Variants in ZNF385B observed in about 807,000 individuals in gnomAD.
The protein encoded by ZNF385B is zinc finger protein 385B, also known as zinc finger protein 533.
In ZNF385B, 23 loss-of-function variants were observed where a neutral mutation model predicts 39.2. The observed-to-expected ratio is 0.59, with a 90% confidence interval of 0.42 to 0.83. The LOEUF is 0.83. Among genes scored for constraint, ZNF385B ranks in the 40% least tolerant of loss-of-function variants. The probability of loss-of-function intolerance (pLI) is 0.00; values close to 1 mark genes in which losing one functional copy is unlikely to be tolerated. For missense variants in ZNF385B, 552 were observed against 598.9 expected, an observed-to-expected ratio of 0.92 and a Z score of 0.82; for synonymous variants, 205 against 222.6, an observed-to-expected ratio of 0.92 and a Z score of 0.70.
At chr2:179,844,119 C>G (rs1708680702) in intron 1 of ZNF385B, among the ~76,000 whole-genome samples, 1 of 152,178 alleles carries the variant, frequency 6.6e-6, no homozygotes. Flanking sequence ...CCAAGTTGGT[C>G]TATTAGATAG....
intron 3 of ZNF385B, among the ~76,000 whole-genome samples, chr2:179,765,702 C>G (rs1329722937): frequency 6.6e-6 from 1 of 152,232 alleles, no homozygotes; most frequent in East Asian, 1.9e-4. Context: ...GGTCCATCTG[C>G]CCACCCTTGC....
intron 3 of ZNF385B, among the ~76,000 whole-genome samples, chr2:179,590,062 G>A (rs1018822248): frequency 2.0e-5 from 3 of 152,214 alleles, no homozygotes; most frequent in African/African-American, 7.2e-5. Context: ...TGTGGGGTCT[G>A]TATGTGACCC....
rs537616580 is a variant in ZNF385B, at chr2:179,855,722, G to A, written c.-155+5379C>T. ...AGTGTTCACTTGGCTAAGGCAAGAT[G>A]ACCCTTAACCAATGCAGTGAGTGTA... is the stretch of plus-strand genomic sequence containing the variant. On this transcript the variant is annotated intron_variant, in intron 1 of 9. Coordinates refer to ENST00000410066, the MANE Select transcript of ZNF385B (RefSeq NM_152520.6). 5.9e-5 allele frequency among the ~76,000 whole-genome samples: 9 copies of A among 152,264 alleles called. No individual in the cohort carries two copies. The South Asian group carries it at 1.9e-3, about 32-fold the overall frequency.
chr2:179,450,079 T>TA (rs1473254481), intron 6 of ZNF385B, among the ~76,000 whole-genome samples: 1 of 151,948 alleles, frequency 6.6e-6, no homozygotes, highest in Non-Finnish European at 1.5e-5. Context: ...ATCCCTTCCT[T>TA]ACACCTTATA....
intron 1 of ZNF385B, among the ~76,000 whole-genome samples, chr2:179,835,744 C>T (rs1238615191): frequency 2.0e-5 from 3 of 151,994 alleles, no homozygotes; most frequent in Non-Finnish European, 4.4e-5. Context: ...GAAGTTCTGC[C>T]TCTAGACCCT....
At chr2:179,777,570 A>C (rs1704401729) in intron 1 of ZNF385B, among the ~76,000 whole-genome samples, 1 of 152,082 alleles carries the variant, frequency 6.6e-6, no homozygotes, top group African/African-American at 2.4e-5. Context: ...ATAAATACTT[A>C]AGCACTATAT....
intron 3 of ZNF385B, among the ~76,000 whole-genome samples, chr2:179,751,690 G>A (rs151308514): frequency 3.4e-3 from 519 of 152,082 alleles, no homozygotes; most frequent in South Asian, 7.7e-3. Flanking sequence ...TCCTGGGGGC[G>A]TCAAAGAACA....
intron 6 of ZNF385B, among the ~76,000 whole-genome samples, chr2:179,473,886 C>T (rs2053108268): frequency 6.6e-6 from 1 of 152,122 alleles, no homozygotes. Context: ...CATAGTATTC[C>T]ATGGTGTATA....
At chr2:179,574,237 A>G (rs545867059) in intron 3 of ZNF385B, among the ~76,000 whole-genome samples, 1 of 152,322 alleles carries the variant, frequency 6.6e-6, no homozygotes, top group African/African-American at 2.4e-5. Flanking sequence ...TTTGGGGAAA[A>G]ACAAAACTGT....
intron 3 of ZNF385B, among the ~76,000 whole-genome samples, chr2:179,668,880 A>G (rs1209922370): frequency 3.3e-5 from 5 of 152,180 alleles, no homozygotes; most frequent in African/African-American, 1.2e-4. Flanking sequence ...TTTCCAACTA[A>G]AAGGAAAATA....
intron 5 of ZNF385B, among the ~76,000 whole-genome samples, chr2:179,511,333 T>C (rs907085530): frequency 1.3e-5 from 2 of 152,130 alleles, no homozygotes; most frequent in African/African-American, 4.8e-5. Context: ...AAATGGCAGA[T>C]GGTAGATGGG....
At chr2:179,657,940 C>A (rs1159492390) in intron 3 of ZNF385B, among the ~76,000 whole-genome samples, 2 of 152,222 alleles carry the variant, frequency 1.3e-5, no homozygotes, top group African/African-American at 2.4e-5. Context: ...CAAGCTCATG[C>A]TTTGCCATCT....
chr2:179,722,436 T>C (rs1193511024), intron 3 of ZNF385B, among the ~76,000 whole-genome samples: 1 of 152,056 alleles, frequency 6.6e-6, no homozygotes, highest in East Asian at 1.9e-4. Context: ...AAAAGAAACT[T>C]GCACATACAC....
intron 3 of ZNF385B, among the ~76,000 whole-genome samples, chr2:179,740,651 G>A (rs540020621): frequency 6.6e-6 from 1 of 152,232 alleles, no homozygotes; most frequent in African/African-American, 2.4e-5. Context: ...CAACCAAATA[G>A]GACTGAAGTA....
At chr2:179,444,165 C>A (rs1016709073) in intron 9 of ZNF385B, among the ~76,000 whole-genome samples, 1 of 152,226 alleles carries the variant, frequency 6.6e-6, no homozygotes, top group Non-Finnish European at 1.5e-5. Flanking sequence ...ATGCAGGTAA[C>A]ACCTGCTTGC....
intron 1 of ZNF385B, among the ~76,000 whole-genome samples, chr2:179,838,359 A>T (rs976440023): frequency 1.3e-5 from 2 of 152,252 alleles, no homozygotes; most frequent in African/African-American, 4.8e-5. Flanking sequence ...CAGTTTGTAC[A>T]AAACAAGAAA....
At chr2:179,794,003 G>A (rs1459533226) in intron 1 of ZNF385B, among the ~76,000 whole-genome samples, 2 of 152,206 alleles carry the variant, frequency 1.3e-5, no homozygotes, top group African/African-American at 4.8e-5. Flanking sequence ...GTTTGGAGAG[G>A]AAAGAACAAC....
At chr2:179,828,761 T>A (rs1426812636) in intron 1 of ZNF385B, among the ~76,000 whole-genome samples, 1 of 152,156 alleles carries the variant, frequency 6.6e-6, no homozygotes, top group African/African-American at 2.4e-5. Context: ...TTTCTGAAAA[T>A]ATTTCACAAA....
intron 1 of ZNF385B, among the ~76,000 whole-genome samples, chr2:179,842,376 T>C (rs1422198350): frequency 2.0e-5 from 3 of 152,214 alleles, no homozygotes; most frequent in African/African-American, 7.2e-5. Flanking sequence ...TCTCTTTGCA[T>C]GCAGTCTAAA....
Sources: allele counts gnomAD v4.1 joint callset (sites outside exome capture counted in the v4.1 genomes callset), GRCh38; gene constraint gnomAD v4.1.1; transcripts MANE v1.5; gene names NCBI Gene and HGNC (gene_info 2026-07-23, HGNC 2026-07-21).